Variants in USH2A observed in about 807,000 individuals in gnomAD.
The protein encoded by USH2A is usherin, also known as Usher syndrome 2A (autosomal recessive, mild).
In USH2A, 443 loss-of-function variants were observed where a neutral mutation model predicts 538.9. That is an observed-to-expected ratio of 0.82 (90% CI 0.76 to 0.89). The LOEUF is 0.89. Among genes scored for constraint, USH2A ranks in the 40% least tolerant of loss-of-function variants. USH2A has a pLI of 0.00. For missense variants in USH2A, 6,633 were observed against 6,324.8 expected (o/e 1.05, Z -1.65); for synonymous variants, 2,413 against 2,273.5 (o/e 1.06, Z -1.75).
chr1:216,377,866 A>AGAAAGAAAGAAG (rs1449698887), intron 3 of USH2A, among the ~76,000 whole-genome samples: 2 of 141,892 alleles, frequency 1.4e-5, no homozygotes, highest in African/African-American at 5.4e-5. Context: ...AAAGAAAGAA[A>AGAAAGAAAGAAG]GAAGGAAAGA....
chr1:215,706,818 T>G (rs555104075), intron 61 of USH2A, among the ~76,000 whole-genome samples: 113 of 152,346 alleles, frequency 7.4e-4, no homozygotes, highest in African/African-American at 2.7e-3. Flanking sequence ...GGAATATCTA[T>G]TGACTCAAGC....
At chr1:216,009,161 A>T (rs116241850) in intron 32 of USH2A, among the ~76,000 whole-genome samples, 2,242 of 151,678 alleles carry the variant, frequency 0.015, 48 homozygotes, top group African/African-American at 0.052. Context: ...TCCATGCCCC[A>T]ACCTCTTTCC....
At chr1:216,389,642 T>C (rs1300440962) in intron 3 of USH2A, among the ~76,000 whole-genome samples, 1 of 152,210 alleles carries the variant, frequency 6.6e-6, no homozygotes, top group Non-Finnish European at 1.5e-5. Flanking sequence ...AGGAGATTTA[T>C]ATGCTATAAA....
chr1:215,829,165 C>T (rs111586909), intron 47 of USH2A, among the ~76,000 whole-genome samples: 3,007 of 152,170 alleles, frequency 0.02, 98 homozygotes, highest in African/African-American at 0.069. Context: ...ATGGAAAATG[C>T]AATGTAGAAA....
chr1:215,671,073 C>T lies in USH2A; in HGVS notation c.14032G>A (p.Ala4678Thr). ...GGATTGGATTTTCTAGGCTGAGTTG[C>T]TATTTGTCTTCTGTATAATTCGTAA... ...LYYELYRRQI[A>T]TQPRKSNPVL... The change falls in exon 64 of 72, where the codon GCA becomes ACA. Residue 4678 changes from alanine to threonine, a missense_variant. Transcript: ENST00000307340. 1 of 1,614,136 alleles carries T rather than the reference C, an allele frequency of 6.2e-7. No homozygotes were observed. Among genetic ancestry groups the T allele is most frequent in the Non-Finnish European group, 8.5e-7 (1 of 1,180,010 alleles).
In USH2A at chr1:215,640,588, T is replaced by C. The variant is rs1656643001; in HGVS notation, c.14938A>G (p.Thr4980Ala). ...TCCGCCGTTCTCGGTATGTAGAGGG[T>C]GGTGTCCAAGCCGCTGTACACGCGT... Reference protein sequence around the residue: ...GRRVYSGLDTTLYIPRTADKT... With the variant: ...GRRVYSGLDTALYIPRTADKT... The change falls in exon 68 of 72, where the codon ACC becomes GCC. Residue 4980 changes from threonine (T) to alanine (A), a missense_variant. Thr to Ala is a moderately conservative substitution (Grantham distance 58). Coordinates refer to ENST00000307340, the MANE Select transcript of USH2A (RefSeq NM_206933.4). 6.2e-7 allele frequency: 1 copy of C among 1,613,540 alleles called. No individual in the cohort carries two copies. Among genetic ancestry groups the C allele is most frequent in the South Asian group, 1.1e-5 (1 of 91,010 alleles).
intron 67 of USH2A, among the ~76,000 whole-genome samples, chr1:215,645,964 T>A (rs1656838785): frequency 6.6e-6 from 1 of 152,058 alleles, no homozygotes; most frequent in African/African-American, 2.4e-5. Flanking sequence ...ATATATGGAA[T>A]ATTGTATAGC....
rs201477006 is a variant in USH2A at position 216,281,816 on chromosome 1, T to TG, written c.1971+7463dup. On this transcript the variant is annotated intron_variant, in intron 11 of 71. Coordinates refer to ENST00000307340, the MANE Select transcript of USH2A (RefSeq NM_206933.4). Reference sequence around the variant, plus strand: ...ATTTTACATTCTCACAGGCAGCCTATGAGAAGACTCCAATTTCTCCACATC... The same window carrying TG: ...ATTTTACATTCTCACAGGCAGCCTATGGAGAAGACTCCAATTTCTCCACATC... 4.9e-3 allele frequency among the ~76,000 whole-genome samples: 743 copies of TG among 151,548 alleles called. 7 individuals are homozygous for TG. Among genetic ancestry groups the TG allele is most frequent in the African/African-American group, 0.018 (725 of 41,344 alleles).
chr1:215,780,839 T>C (rs1291411564), intron 54 of USH2A, among the ~76,000 whole-genome samples: 2 of 152,248 alleles, frequency 1.3e-5, no homozygotes, highest in Non-Finnish European at 2.9e-5. Flanking sequence ...TTGAACAAAA[T>C]GTTGCATTCT....
rs373280012 is a variant in USH2A, at chr1:215,740,682, G to C, written c.11711+693C>G. 1.1e-4 allele frequency among the ~76,000 whole-genome samples: 16 copies of C among 152,296 alleles called. No individual in the cohort carries two copies. The South Asian group carries it at 2.7e-3, about 26-fold the overall frequency. ...TTGTATCTGGTTTCCTCTCTGGAAAGACTATGTTTTCTTGGTCAGTGAGCT... is the reference window on the plus strand; with the variant it reads ...TTGTATCTGGTTTCCTCTCTGGAAACACTATGTTTTCTTGGTCAGTGAGCT... On this transcript the variant is annotated intron_variant, in intron 60 of 71. Coordinates refer to ENST00000307340, the MANE Select transcript of USH2A (RefSeq NM_206933.4).
At chr1:216,176,494 C>T (rs909688858) in intron 20 of USH2A, among the ~76,000 whole-genome samples, 1 of 152,094 alleles carries the variant, frequency 6.6e-6, no homozygotes, top group African/African-American at 2.4e-5. Context: ...ACAGTCTCTT[C>T]CAATATCAAC....
intron 67 of USH2A, among the ~76,000 whole-genome samples, chr1:215,642,878 C>T (rs1052868606): frequency 1.3e-5 from 2 of 152,150 alleles, no homozygotes; most frequent in African/African-American, 4.8e-5. Context: ...CCTCTCTCTC[C>T]ACTGAAGGGG....
chr1:216,098,840 G>T (rs537514867), intron 21 of USH2A, among the ~76,000 whole-genome samples: 1 of 152,252 alleles, frequency 6.6e-6, no homozygotes, highest in South Asian at 2.1e-4. Flanking sequence ...AGATAATATA[G>T]TACTTCAGCT....
chr1:216,396,733 TAC>T (rs945191992), intron 3 of USH2A, among the ~76,000 whole-genome samples: 10 of 152,102 alleles, frequency 6.6e-5, no homozygotes, highest in African/African-American at 2.4e-4. Flanking sequence ...AAAAATCAGA[TAC>T]AAACTATGGT....
chr1:216,220,858 C>G (rs991777570), intron 14 of USH2A, among the ~76,000 whole-genome samples: 4 of 152,058 alleles, frequency 2.6e-5, no homozygotes, highest in African/African-American at 9.7e-5. Context: ...GGTCTTCTAA[C>G]TTGCTAATGG....
intron 21 of USH2A, among the ~76,000 whole-genome samples, chr1:216,162,065 T>A (rs533079419): frequency 6.6e-6 from 1 of 152,200 alleles, no homozygotes; most frequent in Admixed American, 6.5e-5. Flanking sequence ...TAAACTTTGT[T>A]AAACTATGTG....
At chr1:215,634,351 C>A (rs1656404388) in intron 70 of USH2A, 108 bp downstream of exon 70, 4 of 1,569,336 alleles carry the variant, frequency 2.5e-6, no homozygotes, top group Non-Finnish European at 3.5e-6. Context: ...TGAAACATAA[C>A]TTACATCTAA....
At chr1:215,851,575 A>G (rs1285575783) in intron 44 of USH2A, among the ~76,000 whole-genome samples, 1 of 152,174 alleles carries the variant, frequency 6.6e-6, no homozygotes, top group Non-Finnish European at 1.5e-5. Context: ...AAAGTCCAGG[A>G]CCAGACAGAT....
chr1:216,389,661 G>A (rs2039066987), intron 3 of USH2A, among the ~76,000 whole-genome samples: 1 of 151,986 alleles, frequency 6.6e-6, no homozygotes, highest in Admixed American at 6.6e-5. Context: ...AAGATTTACA[G>A]CTAATGAAAC....
Sources: gnomAD v4.1 joint callset for allele counts (sites outside exome capture counted in the v4.1 genomes callset) on GRCh38, gnomAD v4.1.1 for gene constraint, MANE v1.5 for transcripts, NCBI Gene and HGNC (gene_info 2026-07-23, HGNC 2026-07-21) for gene names.